The following OCA2 variants were observed in gnomAD, a reference collection of about 807,000 sequenced individuals.
OCA2 encodes OCA2 melanosomal transmembrane protein, also known as P protein.
Under a neutral mutation model 100.2 loss-of-function variants are expected in OCA2, and 77 were observed. The observed-to-expected ratio is 0.77, with a 90% CI of 0.64 to 0.93. The LOEUF is 0.93. OCA2 is among the 40% of genes least tolerant of loss of function. The pLI is 0.00. For synonymous variants in OCA2, 432 were observed against 439.2 expected (o/e 0.98, Z 0.21); for missense variants, 1,062 against 1,089.1 (o/e 0.98, Z 0.35).
intron 2 of OCA2, among the ~76,000 whole-genome samples, chr15:28,037,121 G>C (rs1282773070): frequency 6.6e-6 from 1 of 152,110 alleles, no homozygotes. Flanking sequence ...GCTCAGGACA[G>C]AGGGCAGGTG....
the OCA2 span, among the ~76,000 whole-genome samples, chr15:27,747,016 C>G: frequency 6.6e-6 from 1 of 152,220 alleles, no homozygotes; most frequent in Non-Finnish European, 1.5e-5. Context: ...ACTCCATTTT[C>G]CCCAAAACTT....
chr15:27,957,427 G>A lies in OCA2; in HGVS notation c.1784+161C>T, dbSNP rs11638265. Among the ~76,000 whole-genome samples the A allele has an allele frequency of 0.51, 77,364 of 152,044 alleles. 24,351 individuals are homozygous for A. Among genetic ancestry groups the A allele is most frequent in the Non-Finnish European group, 0.72 (48,951 of 67,988 alleles). Reference sequence around the variant, plus strand: ...TAAACTCGGCTGTGTACCCCCTGCAGAGCTCAGTGAGGGTTAGATAAAATG... The same window carrying A: ...TAAACTCGGCTGTGTACCCCCTGCAAAGCTCAGTGAGGGTTAGATAAAATG... On this transcript the variant is annotated intron_variant, in intron 16 of 23. Transcript: ENST00000354638. This position sits in a 1 kb window ranked among gnomAD's most constrained non-coding sequence, Gnocchi z 4.3.
chr15:27,932,441 CTG>C (rs1246103244), intron 18 of OCA2, among the ~76,000 whole-genome samples: 8 of 150,308 alleles, frequency 5.3e-5, no homozygotes, highest in Non-Finnish European at 1.0e-4. Flanking sequence ...CTTTGTGAAA[CTG>C]AGATATTCAA....
chr15:28,028,048 A>G lies in OCA2; in HGVS notation c.338T>C (p.Ile113Thr). The change falls in exon 4 of 24, where the codon ATA (isoleucine) becomes ACA (threonine). Residue 113 changes from isoleucine (I) to threonine (T), a missense_variant. Coordinates refer to ENST00000354638, the MANE Select transcript of OCA2 (RefSeq NM_000275.3). ...NSLQEKGSRC[I>T]PVYHPEFITA... Reference sequence around the variant, plus strand: ...GATGAACTCTGGATGGTAAACAGGTATGCACCGTGACCTGGAAAGCAAGAG... The same window carrying G: ...GATGAACTCTGGATGGTAAACAGGTGTGCACCGTGACCTGGAAAGCAAGAG... The G allele has an allele frequency of 6.2e-7, 1 of 1,613,956 alleles. No individual in the cohort carries two copies. The highest frequency in any genetic ancestry group is 8.5e-7 in the Non-Finnish European group (1 of 1,179,802).
chr15:27,870,250 A>G (rs2036493108), intron 21 of OCA2, among the ~76,000 whole-genome samples: 1 of 152,218 alleles, frequency 6.6e-6, no homozygotes, highest in African/African-American at 2.4e-5. Context: ...GGAGACCCTC[A>G]GAGTCAGAAG....
chr15:28,072,317 C>A (rs141577899), intron 2 of OCA2, among the ~76,000 whole-genome samples: 1 of 151,948 alleles, frequency 6.6e-6, no homozygotes, highest in Non-Finnish European at 1.5e-5. Flanking sequence ...AGGCCGGGTG[C>A]GGTGGCTCAC....
At chr15:27,723,536 A>G in the OCA2 span, among the ~76,000 whole-genome samples, 1 of 151,922 alleles carries the variant, frequency 6.6e-6, no homozygotes, top group Non-Finnish European at 1.5e-5. Flanking sequence ...ACCACCACCA[A>G]GAAGGCAGAG....
chr15:27,949,715 AACT>A (rs2039969442), intron 18 of OCA2, among the ~76,000 whole-genome samples: 1 of 152,196 alleles, frequency 6.6e-6, no homozygotes, highest in African/African-American at 2.4e-5. Context: ...AAGAAAACAG[AACT>A]TCACCAAAGA....
At chr15:27,950,914 C>T (rs2040003917) in intron 18 of OCA2, among the ~76,000 whole-genome samples, 1 of 152,124 alleles carries the variant, frequency 6.6e-6, no homozygotes, top group Admixed American at 6.6e-5. Flanking sequence ...GTATTTTAAC[C>T]ATCTTAGCAG....
intron 14 of OCA2, among the ~76,000 whole-genome samples, chr15:27,979,946 C>T (rs929095284): frequency 5.3e-5 from 8 of 150,574 alleles, no homozygotes; most frequent in East Asian, 1.9e-4. Flanking sequence ...GATCTCCACA[C>T]CTCATGATCC....
chr15:27,933,829 G>A (rs1237552292), intron 18 of OCA2, among the ~76,000 whole-genome samples: 1 of 152,114 alleles, frequency 6.6e-6, no homozygotes, highest in Admixed American at 6.6e-5. Context: ...CACTTCTTTT[G>A]TACTTTTCAG....
intron 18 of OCA2, among the ~76,000 whole-genome samples, chr15:27,937,837 G>T (rs1013766445): frequency 1.3e-5 from 2 of 152,078 alleles, no homozygotes; most frequent in African/African-American, 4.8e-5. Flanking sequence ...GGATGCTTTT[G>T]CACACACTTT....
At chr15:27,999,981 A>T (rs1456297258) in intron 9 of OCA2, among the ~76,000 whole-genome samples, 2 of 152,240 alleles carry the variant, frequency 1.3e-5, no homozygotes, top group African/African-American at 4.8e-5. Context: ...AAATAAATGG[A>T]AAGATATCCC....
intron 8 of OCA2, among the ~76,000 whole-genome samples, chr15:28,015,254 G>A (rs182516497): frequency 2.0e-5 from 3 of 152,276 alleles, no homozygotes; most frequent in Admixed American, 6.5e-5. Flanking sequence ...CAGTTTACCT[G>A]CTAACTAAGA....
chr15:27,927,092 C>T (rs1303946507), intron 18 of OCA2, among the ~76,000 whole-genome samples: 1 of 152,114 alleles, frequency 6.6e-6, no homozygotes, highest in Non-Finnish European at 1.5e-5. Context: ...GAGTTCGAGA[C>T]CATCCTGACC....
intron 1 of OCA2, 99 bp from the exon 2 acceptor site, chr15:28,081,994 G>A: frequency 1.0e-6 from 1 of 1,005,020 alleles, no homozygotes. Context: ...CTTCTTCGGA[G>A]GCGGTCCCAG....
At chr15:27,868,052 G>A (rs1197459283) in intron 21 of OCA2, among the ~76,000 whole-genome samples, 1 of 152,204 alleles carries the variant, frequency 6.6e-6, no homozygotes, top group East Asian at 1.9e-4. Context: ...CTGTGTGTCA[G>A]CAGGGGCAGA....
At chr15:27,860,492 CTTCT>C (rs2036090961) in intron 21 of OCA2, among the ~76,000 whole-genome samples, 1 of 152,258 alleles carries the variant, frequency 6.6e-6, no homozygotes, top group South Asian at 2.1e-4. Context: ...TTATTATTCC[CTTCT>C]TTGTGTCATA....
At chr15:27,929,148 T>A (rs1406650915) in intron 18 of OCA2, among the ~76,000 whole-genome samples, 1 of 152,136 alleles carries the variant, frequency 6.6e-6, no homozygotes, top group Admixed American at 6.6e-5. Flanking sequence ...ACAAACTGAT[T>A]CTAAAATTCA....
Sources: gnomAD v4.1 joint callset for allele counts (sites outside exome capture counted in the v4.1 genomes callset) on GRCh38, gnomAD v4.1.1 for gene constraint, Gnocchi (gnomAD v3.1) non-coding constraint, MANE v1.5 for transcripts, NCBI Gene and HGNC (gene_info 2026-07-23, HGNC 2026-07-21) for gene names.